The following INCENP variants were observed in gnomAD, a reference collection of about 807,000 sequenced individuals.
INCENP encodes inner centromere protein.
A neutral mutation model predicts 107.3 loss-of-function variants in INCENP; 43 were observed. The observed-to-expected ratio is 0.40, with a 90% CI of 0.31 to 0.52. The LOEUF (loss-of-function observed/expected upper bound fraction) is 0.52. Ranked by LOEUF, INCENP falls within the 20% of genes least tolerant of loss-of-function variation. INCENP has a pLI of 0.53. For missense variants in INCENP, 1,089 were observed against 1,250.9 expected, an observed-to-expected ratio of 0.87 and a Z score of 1.95; for synonymous variants, 488 against 494.4, an observed-to-expected ratio of 0.99 and a Z score of 0.17.
rs761123995 is a variant in INCENP, at chr11:62,145,213, G to A, written c.1760G>A (p.Arg587Gln). The A allele has an allele frequency of 2.2e-5, 36 of 1,614,016 alleles. No individual in the cohort carries two copies. The East Asian group carries it at 2.5e-4, about 11-fold the overall frequency. The change falls in exon 13 of 19, where the codon CGG becomes CAG. Residue 587 changes from arginine (R) to glutamine (Q), a missense_variant. By Grantham distance (43) the Arg-to-Gln change is conservative. Coordinates refer to ENST00000394818, the MANE Select transcript of INCENP (RefSeq NM_001040694.2). ...RLRKVLQARE[R>Q]VEQMKEEKKK... is the part of the protein sequence containing the mutation. The stretch of plus-strand genomic sequence containing the variant: ...CGCAAGGTGCTGCAGGCCCGCGAGC[G>A]GGTGGAGCAGATGAAGGAGGAGAAG...
chr11:62,128,103 C>G, intron 1 of INCENP, 48 bp from the exon 2 acceptor site: 2 of 1,604,954 alleles, frequency 1.2e-6, no homozygotes, highest in Non-Finnish European at 8.5e-7. Context: ...AGCCCCAGAC[C>G]CCTACCCTGG....
chr11:62,139,417 A>G (rs1258149862), intron 7 of INCENP, among the ~76,000 whole-genome samples: 2 of 152,156 alleles, frequency 1.3e-5, no homozygotes, highest in Non-Finnish European at 2.9e-5. Flanking sequence ...ATCCTTGTCT[A>G]AAGAGGGCTG....
At chr11:62,139,076 T>G in intron 7 of INCENP, 71 bp downstream of exon 7, 3 of 1,054,878 alleles carry the variant, frequency 2.8e-6, no homozygotes, top group Non-Finnish European at 3.0e-6. Flanking sequence ...GGCCTGACCT[T>G]CTCTCTGGGG....
In INCENP at chr11:62,141,045, G is replaced by T. The variant is rs775929938; in HGVS notation, c.1593+1G>T. ...CACTCCCCTGCGCATGGACCCCAAG[G>T]TGAGGGGCCTGTGCCCAGGCCGGGC... On this transcript the variant is annotated splice_donor_variant, in intron 10 of 18. Transcript: ENST00000394818. LOFTEE classifies it high-confidence loss of function. 1 of 1,612,862 alleles carries T rather than the reference G, an allele frequency of 6.2e-7. No individual in the cohort carries two copies. The highest frequency in any genetic ancestry group is 1.7e-5 in the Admixed American group (1 of 59,796).
intron 1 of INCENP, among the ~76,000 whole-genome samples, chr11:62,127,905 G>T (rs868596857): frequency 1.3e-5 from 2 of 152,210 alleles, no homozygotes; most frequent in African/African-American, 2.4e-5. Context: ...ATGCTGGCGG[G>T]GGGGTGGGGA....
intron 7 of INCENP, 92 bp downstream of exon 7, chr11:62,139,097 C>T: frequency 2.3e-6 from 2 of 884,024 alleles, no homozygotes; most frequent in Non-Finnish European, 3.8e-6. Flanking sequence ...ATAAGGAAGC[C>T]CCATTTTCTG....
At chr11:62,135,304 G>A (rs1313287260) in intron 4 of INCENP, among the ~76,000 whole-genome samples, 1 of 151,900 alleles carries the variant, frequency 6.6e-6, no homozygotes, top group Non-Finnish European at 1.5e-5. Flanking sequence ...ATCTCACTCT[G>A]TCGCCCAGGC....
At chr11:62,148,939 C>T (rs1475553392) in intron 17 of INCENP, 93 bp downstream of exon 17, 1 of 710,702 alleles carries the variant, frequency 1.4e-6, no homozygotes, top group Non-Finnish European at 2.3e-6. Context: ...TGTTAGGCCC[C>T]TAAGGAAAAG....
In INCENP at chr11:62,145,021, G is replaced by A. The variant is rs1379174910; in HGVS notation, c.1645G>A (p.Glu549Lys). ...RQRLENLRRK[E>K]EAEQLRRQKV... ...GCGCCTGGAGAATCTGCGGCGGAAG[G>A]AGGAGGCCGAGCAGCTGCGCAGGCA... The change falls in exon 12 of 19, where the codon GAG (glutamate) becomes AAG (lysine). Residue 549 changes from glutamate to lysine, a missense_variant. Coordinates refer to ENST00000394818, the MANE Select transcript of INCENP (RefSeq NM_001040694.2). 2 of 1,608,026 alleles carry A rather than the reference G, an allele frequency of 1.2e-6. No individual in the cohort carries two copies. Among genetic ancestry groups the A allele is most frequent in the Non-Finnish European group, 1.7e-6 (2 of 1,178,280 alleles).
chr11:62,136,220 T>A (rs1031837008), intron 4 of INCENP, among the ~76,000 whole-genome samples: 2 of 152,258 alleles, frequency 1.3e-5, no homozygotes, highest in African/African-American at 4.8e-5. Context: ...TCAGTCGTTC[T>A]TTTAATTAAT....
rs777481722 is a variant in INCENP, at chr11:62,151,931, C to T, written c.2712C>T (p.Gly904=). ...TCTGGAACTCACCGCCCCTGCAGGG[C>T]GCCAGGGTCCCCAGCAGCCTGGCCT... ...SAVWNSPPLQ[G]ARVPSSLAYS... Residue 904 remains glycine (G), a synonymous_variant, in exon 19 of 19, where the codon GGC becomes GGT. Transcript: ENST00000394818. The T allele has an allele frequency of 2.0e-5, 32 of 1,612,966 alleles. No individual in the cohort carries two copies. In the South Asian group the frequency reaches 2.3e-4, roughly 12 times the overall value.
chr11:62,148,643 G>A (rs1944308038), intron 16 of INCENP, 89 bp downstream of exon 16: 2 of 1,447,296 alleles, frequency 1.4e-6, no homozygotes, highest in Admixed American at 4.1e-5. Flanking sequence ...GCCTAGGGAG[G>A]GGAGGGAAAG....
intron 15 of INCENP, among the ~76,000 whole-genome samples, chr11:62,147,803 C>T (rs111228023): frequency 1.5e-3 from 233 of 152,158 alleles, no homozygotes; most frequent in African/African-American, 5.4e-3. Flanking sequence ...TCTGGGAAGG[C>T]GAGAAGGCGT....
At chr11:62,147,664 G>T (rs1630142) in intron 15 of INCENP, among the ~76,000 whole-genome samples, 3,308 of 152,248 alleles carry the variant, frequency 0.022, 127 homozygotes, top group African/African-American at 0.075. Context: ...CGGGCAGCAC[G>T]TTTTTTCCGT....
intron 17 of INCENP, among the ~76,000 whole-genome samples, chr11:62,149,669 C>T (rs1792891): frequency 0.022 from 3,308 of 149,830 alleles, 125 homozygotes; most frequent in African/African-American, 0.076. Flanking sequence ...CGCCTGTAAT[C>T]CCAGCATATT....
At chr11:62,148,635 C>T (rs1944307879) in intron 16 of INCENP, 81 bp downstream of exon 16, 1 of 1,471,750 alleles carries the variant, frequency 6.8e-7, no homozygotes, top group Admixed American at 2.0e-5. Context: ...CAGGGGCTGC[C>T]TAGGGAGGGG....
intron 5 of INCENP, 111 bp from the exon 6 acceptor site, chr11:62,138,602 C>A: frequency 1.0e-6 from 1 of 987,854 alleles, no homozygotes; most frequent in Non-Finnish European, 1.5e-6. Context: ...CTGGCCAGGG[C>A]ACCTTGTGTT....
chr11:62,128,806 A>G lies in INCENP; in HGVS notation c.177A>G (p.Thr59=), dbSNP rs1239098399. 1 of 1,614,072 alleles carries G rather than the reference A, an allele frequency of 6.2e-7. No homozygotes were observed. Among genetic ancestry groups the G allele is most frequent in the African/African-American group, 1.3e-5 (1 of 75,040 alleles). ...AAGAGCCAGAGCTGATGCCCAAAACACCTTCTCAGAAGAACCGACGGAAGA... is the reference window on the plus strand; with the variant it reads ...AAGAGCCAGAGCTGATGCCCAAAACGCCTTCTCAGAAGAACCGACGGAAGA... ...FSKEPELMPK[T]PSQKNRRKKR... The change falls in exon 3 of 19, where the codon ACA becomes ACG. Residue 59 remains threonine (T), a synonymous_variant. Transcript: ENST00000394818.
chr11:62,140,630 C>T (rs1944094373), intron 8 of INCENP, 74 bp from the exon 9 acceptor site: 12 of 1,295,886 alleles, frequency 9.3e-6, no homozygotes, highest in South Asian at 6.4e-5. Flanking sequence ...TATTGTTCAC[C>T]GGGGTGACTT....
Sources: gnomAD v4.1 joint callset for allele counts (sites outside exome capture counted in the v4.1 genomes callset) on GRCh38, gnomAD v4.1.1 for gene constraint, MANE v1.5 for transcripts, NCBI Gene and HGNC (gene_info 2026-07-23, HGNC 2026-07-21) for gene names.